Variants in LYPD6B observed in about 807,000 individuals in gnomAD.
The protein encoded by LYPD6B is ly6/PLAUR domain-containing protein 6B.
In LYPD6B, 17 loss-of-function variants were observed where a neutral mutation model predicts 22.8. The ratio of observed to expected loss-of-function variants is 0.75; its 90% CI spans 0.51 to 1.12. The LOEUF is 1.12. LYPD6B is among the 50% of genes most tolerant of loss of function. The probability of loss-of-function intolerance (pLI) is 0.00; values close to 1 mark genes in which losing one functional copy is unlikely to be tolerated. For synonymous variants in LYPD6B, 106 were observed against 91.6 expected (o/e 1.16, Z -0.90); for missense variants, 221 against 258.3 (o/e 0.86, Z 0.99).
chr2:149,205,929 C>A, intron 4 of LYPD6B: 1 of 375,738 alleles, frequency 2.7e-6, no homozygotes, highest in South Asian at 2.3e-5. Flanking sequence ...ATTAGTAACA[C>A]ATACAGGATA....
chr2:149,106,917 T>TC (rs998902550), intron 1 of LYPD6B, among the ~76,000 whole-genome samples: 6 of 151,994 alleles, frequency 3.9e-5, no homozygotes, highest in African/African-American at 1.4e-4. Flanking sequence ...AATACAGCAG[T>TC]CCCCCCTTAT....
rs186411550 is a variant in LYPD6B, at chr2:149,147,949, G to C, written c.6-12815G>C. Among the ~76,000 whole-genome samples the C allele has an allele frequency of 4.8e-4, 39 of 80,684 alleles. 1 individual carries two copies. In the East Asian group the frequency reaches 7.8e-3, roughly 16 times the overall value. The allele number at this position is 80,684 out of a possible 152,430, so 52.9% of individuals were successfully genotyped here. A position where few individuals can be genotyped will look rare whatever the true frequency, so the allele number is the denominator to read the frequency against. On this transcript the variant is annotated intron_variant, in intron 2 of 6. Coordinates refer to ENST00000409642, the MANE Select transcript of LYPD6B (RefSeq NM_177964.5). Reference sequence around the variant, plus strand: ...GTGTGTGTGTGTGTGTGTATAGTCAGAGATGATGGTAGTCATGTGTTCTGA... The same window carrying C: ...GTGTGTGTGTGTGTGTGTATAGTCACAGATGATGGTAGTCATGTGTTCTGA...
At chr2:149,057,496 G>A (rs1237515701) in intron 1 of LYPD6B, among the ~76,000 whole-genome samples, 2 of 151,938 alleles carry the variant, frequency 1.3e-5, no homozygotes, top group African/African-American at 4.8e-5. Context: ...ATATGATACA[G>A]CAGCCAATTC....
chr2:149,127,798 A>G (rs1179790217), intron 1 of LYPD6B, among the ~76,000 whole-genome samples: 1 of 152,150 alleles, frequency 6.6e-6, no homozygotes, highest in Non-Finnish European at 1.5e-5. Context: ...GTCTCCTTTC[A>G]GTTACAGCTA....
intron 3 of LYPD6B, among the ~76,000 whole-genome samples, chr2:149,169,160 C>A (rs1488102689): frequency 6.6e-6 from 1 of 152,104 alleles, no homozygotes; most frequent in South Asian, 2.1e-4. Context: ...CTAATTCATG[C>A]ATGGACCCGC....
At chr2:149,171,838 AC>A (rs1187922907) in intron 3 of LYPD6B, among the ~76,000 whole-genome samples, 1 of 152,086 alleles carries the variant, frequency 6.6e-6, no homozygotes, top group Non-Finnish European at 1.5e-5. Context: ...TACAATAAAA[AC>A]CAATGATCTA....
At chr2:149,150,904 G>T (rs1689324832) in intron 2 of LYPD6B, among the ~76,000 whole-genome samples, 1 of 86,310 alleles carries the variant, frequency 1.2e-5, no homozygotes, top group Admixed American at 1.1e-4. Context: ...CCCTTCTACT[G>T]ATTTTTTTAA....
chr2:149,044,919 A>G (rs893460206), intron 1 of LYPD6B, among the ~76,000 whole-genome samples: 1 of 151,996 alleles, frequency 6.6e-6, no homozygotes, highest in South Asian at 2.1e-4. Flanking sequence ...TTGATTTTCA[A>G]ATGTTGAACC....
intron 3 of LYPD6B, among the ~76,000 whole-genome samples, chr2:149,201,674 T>C (rs986418408): frequency 6.6e-6 from 1 of 152,238 alleles, no homozygotes; most frequent in Non-Finnish European, 1.5e-5. Context: ...AAACATGCTC[T>C]GGAAATAGAA....
chr2:149,146,894 T>G (rs1416736472), intron 2 of LYPD6B, among the ~76,000 whole-genome samples: 1 of 152,228 alleles, frequency 6.6e-6, no homozygotes, highest in Non-Finnish European at 1.5e-5. Flanking sequence ...TTATTATTTT[T>G]TATTTCTTCA....
At chr2:149,057,302 A>C (rs1247737014) in intron 1 of LYPD6B, among the ~76,000 whole-genome samples, 1 of 152,160 alleles carries the variant, frequency 6.6e-6, no homozygotes, top group Non-Finnish European at 1.5e-5. Flanking sequence ...CTACAAAAGA[A>C]AATGAATTGT....
At chr2:149,193,043 G>A (rs1270788969) in intron 3 of LYPD6B, among the ~76,000 whole-genome samples, 2 of 152,088 alleles carry the variant, frequency 1.3e-5, no homozygotes, top group African/African-American at 4.8e-5. Flanking sequence ...TGGATTAGAA[G>A]TCATCTTTGC....
At chr2:149,056,713 C>A (rs1271178181) in intron 1 of LYPD6B, among the ~76,000 whole-genome samples, 1 of 152,136 alleles carries the variant, frequency 6.6e-6, no homozygotes, top group Non-Finnish European at 1.5e-5. Context: ...GTACAGCCCA[C>A]TCTTGGCTCC....
chr2:149,124,978 A>T (rs921898639), intron 1 of LYPD6B, among the ~76,000 whole-genome samples: 1 of 152,210 alleles, frequency 6.6e-6, no homozygotes, highest in African/African-American at 2.4e-5. Flanking sequence ...GGTTACAAAG[A>T]AGCCTTTGAA....
intron 1 of LYPD6B, among the ~76,000 whole-genome samples, chr2:149,052,434 C>T (rs1187575258): frequency 6.6e-6 from 1 of 152,200 alleles, no homozygotes; most frequent in East Asian, 1.9e-4. Flanking sequence ...AGTTCTCTTT[C>T]CCTGAAAGCT....
At chr2:149,089,372 G>A (rs1374492539) in intron 1 of LYPD6B, among the ~76,000 whole-genome samples, 2 of 152,148 alleles carry the variant, frequency 1.3e-5, no homozygotes, top group Non-Finnish European at 2.9e-5. Context: ...GAAGTGCTGG[G>A]ATTAGCTGGG....
intron 1 of LYPD6B, chr2:149,101,362 C>T (rs1335756820): frequency 1.3e-5 from 2 of 152,204 alleles, no homozygotes; most frequent in African/African-American, 4.8e-5. Flanking sequence ...ACTGCACTCA[C>T]CAAAGGCAGA....
chr2:149,139,936 A>T (rs2105761585), intron 2 of LYPD6B, among the ~76,000 whole-genome samples: 1 of 152,320 alleles, frequency 6.6e-6, no homozygotes, highest in South Asian at 2.1e-4. Flanking sequence ...CTTTCTAGGG[A>T]CTGGAAAAGC....
chr2:149,116,931 C>T (rs1039783229), intron 1 of LYPD6B, among the ~76,000 whole-genome samples: 5 of 152,144 alleles, frequency 3.3e-5, no homozygotes, highest in African/African-American at 1.2e-4. Context: ...TAGTTTCCCC[C>T]CTATCCTAGT....
Sources: gnomAD v4.1 joint callset for allele counts (sites outside exome capture counted in the v4.1 genomes callset) on GRCh38, gnomAD v4.1.1 for gene constraint, MANE v1.5 for transcripts, NCBI Gene and HGNC (gene_info 2026-07-23, HGNC 2026-07-21) for gene names.